IL7: variants seen among roughly 807,000 people sequenced by gnomAD.
IL7 encodes the protein interleukin 7.
Under a neutral mutation model 21.6 loss-of-function variants are expected in IL7, and 3 were observed. That is an observed-to-expected ratio of 0.14 (90% CI 0.06 to 0.36). The LOEUF is 0.36. Among genes scored for constraint, IL7 ranks in the 10% least tolerant of loss-of-function variants. The probability of loss-of-function intolerance (pLI) is 1.00; values close to 1 mark genes in which losing one functional copy is unlikely to be tolerated. For missense variants in IL7, 175 were observed against 200.2 expected, an observed-to-expected ratio of 0.87 and a Z score of 0.76; for synonymous variants, 62 against 68.1, an observed-to-expected ratio of 0.91 and a Z score of 0.44.
chr8:78,713,569 A>G (rs1016245251), downstream of IL7, among the ~76,000 whole-genome samples: 1 of 152,160 alleles, frequency 6.6e-6, no homozygotes, highest in African/African-American at 2.4e-5. Flanking sequence ...AACATCCCCA[A>G]AGAGGCTATA....
downstream of IL7, among the ~76,000 whole-genome samples, chr8:78,716,161 C>T (rs987461963): frequency 7.4e-5 from 11 of 149,322 alleles, no homozygotes; most frequent in African/African-American, 1.7e-4. Context: ...CTCGCTCTGT[C>T]GCTCAGGCTG....
At chr8:78,791,451 C>T (rs1018501885) in intron 2 of IL7, among the ~76,000 whole-genome samples, 7 of 152,008 alleles carry the variant, frequency 4.6e-5, no homozygotes, top group African/African-American at 1.4e-4. Context: ...AACAGCCTGG[C>T]CAACATGGCA....
intron 3 of IL7, chr8:78,698,653 C>T: frequency 1.9e-6 from 1 of 536,050 alleles, no homozygotes; most frequent in Non-Finnish European, 3.0e-6. Context: ...GTCAGGAGCA[C>T]ACTCACTGCT....
chr8:78,803,514 A>T (rs1265044768), intron 1 of IL7, among the ~76,000 whole-genome samples: 1 of 152,226 alleles, frequency 6.6e-6, no homozygotes, highest in African/African-American at 2.4e-5. Flanking sequence ...CATGCATTAT[A>T]ATCATTATTA....
At chr8:78,717,195 A>G, downstream of IL7, 4 of 772,014 alleles carry the variant, frequency 5.2e-6, no homozygotes, top group Non-Finnish European at 5.8e-6. Context: ...ATTTTTTAAA[A>G]TTTGAACTAG....
At chr8:78,797,932 A>C in intron 2 of IL7, 140 bp downstream of exon 2, 7 of 575,128 alleles carry the variant, frequency 1.2e-5, no homozygotes, top group Admixed American at 3.1e-5. Context: ...ATATACAGTT[A>C]GTAGCTCATT....
intron 6 of IL7, chr8:78,718,470 G>C (rs1244550503): frequency 1.3e-5 from 2 of 151,858 alleles, no homozygotes; most frequent in Non-Finnish European, 2.9e-5. Flanking sequence ...CTAATCATTA[G>C]TGCAGAGCAT....
At chr8:78,757,535 C>T (rs1262707620) in intron 2 of IL7, among the ~76,000 whole-genome samples, 1 of 151,956 alleles carries the variant, frequency 6.6e-6, no homozygotes, top group Non-Finnish European at 1.5e-5. Flanking sequence ...CTCTTTAGCT[C>T]TAATAATATT....
In IL7 at chr8:78,709,095, G is replaced by A. The variant is rs75735140; in HGVS notation, n.214+12253C>T. On this transcript the variant is annotated intron_variant and non_coding_transcript_variant, in intron 3 of 4. Coordinates refer to the IL7 transcript ENST00000523959. ...GTTGTACCTTATTACCAGTTTAAAT[G>A]GATATCTCAGTTAATAATTTTCAAT... 8.7e-3 allele frequency among the ~76,000 whole-genome samples: 1,325 copies of A among 152,176 alleles called. 17 individuals carry two copies. Among genetic ancestry groups the A allele is most frequent in the African/African-American group, 0.031 (1,269 of 41,516 alleles).
At chr8:78,777,754 C>T (rs1416881824) in intron 2 of IL7, among the ~76,000 whole-genome samples, 4 of 152,110 alleles carry the variant, frequency 2.6e-5, no homozygotes, top group African/African-American at 9.6e-5. Context: ...GTGCCAACTA[C>T]GAATGCTGAA....
chr8:78,713,049 TG>T (rs1214852172), downstream of IL7, among the ~76,000 whole-genome samples: 1 of 152,140 alleles, frequency 6.6e-6, no homozygotes, highest in Non-Finnish European at 1.5e-5. Context: ...CTGATTCTAC[TG>T]TCAGAACTCT....
chr8:78,695,408 C>T (rs1810366324), intron 3 of IL7, among the ~76,000 whole-genome samples: 1 of 152,152 alleles, frequency 6.6e-6, no homozygotes, highest in East Asian at 1.9e-4. Flanking sequence ...AACCTTTCTG[C>T]CTGTTTCCTG....
chr8:78,780,270 T>G (rs1813284763), intron 2 of IL7, among the ~76,000 whole-genome samples: 1 of 152,210 alleles, frequency 6.6e-6, no homozygotes, highest in South Asian at 2.1e-4. Context: ...TGTCTTCTGC[T>G]AGCTTTGTGG....
At chr8:78,686,699 A>T (rs1286721441) in intron 3 of IL7, 2 of 1,297,160 alleles carry the variant, frequency 1.5e-6, no homozygotes, top group African/African-American at 3.1e-5. Flanking sequence ...CTTAACTTAC[A>T]ATCATGGAGT....
At chr8:78,683,986 C>A (rs548883797) in intron 4 of IL7, among the ~76,000 whole-genome samples, 2 of 152,310 alleles carry the variant, frequency 1.3e-5, no homozygotes, top group Non-Finnish European at 2.9e-5. Flanking sequence ...ACCACCTTAG[C>A]CTGGACTTTG....
intron 2 of IL7, among the ~76,000 whole-genome samples, chr8:78,793,288 A>C (rs1483072018): frequency 6.6e-6 from 1 of 152,116 alleles, no homozygotes; most frequent in Non-Finnish European, 1.5e-5. Flanking sequence ...TTCTTTTGGC[A>C]ATGATGAAAA....
At chr8:78,677,189 A>T (rs1382079043) in intron 4 of IL7, among the ~76,000 whole-genome samples, 1 of 152,142 alleles carries the variant, frequency 6.6e-6, no homozygotes, top group African/African-American at 2.4e-5. Flanking sequence ...GTCAAAATAC[A>T]AAAGAAAAAA....
chr8:78,742,156 AC>A (rs1441984444), intron 2 of IL7, among the ~76,000 whole-genome samples: 66 of 123,492 alleles, frequency 5.3e-4, no homozygotes, highest in Middle Eastern at 4.3e-3. Flanking sequence ...TACTAAAAAT[AC>A]AAAAAAAAAA....
At chr8:78,776,224 G>A (rs1310019503) in intron 2 of IL7, among the ~76,000 whole-genome samples, 1 of 152,028 alleles carries the variant, frequency 6.6e-6, no homozygotes, top group Non-Finnish European at 1.5e-5. Context: ...TACCTCTGCA[G>A]CCAATCTGAT....
Sources: gnomAD v4.1 joint callset for allele counts (sites outside exome capture counted in the v4.1 genomes callset) on GRCh38, gnomAD v4.1.1 for gene constraint, MANE v1.5 for transcripts, NCBI Gene and HGNC (gene_info 2026-07-23, HGNC 2026-07-21) for gene names.